LHFPL3: variants seen among roughly 807,000 people sequenced by gnomAD.
The protein encoded by LHFPL3 is LHFPL tetraspan subfamily member 3 protein.
Under a neutral mutation model 19.3 loss-of-function variants are expected in LHFPL3, and 5 were observed. The observed-to-expected ratio is 0.26, with a 90% CI of 0.14 to 0.54. The LOEUF (loss-of-function observed/expected upper bound fraction) is 0.54. Ranked by LOEUF, LHFPL3 falls within the 20% of genes least tolerant of loss-of-function variation. The pLI is 0.94. For missense variants in LHFPL3, 249 were observed against 307.4 expected, an observed-to-expected ratio of 0.81 and a Z score of 1.42; for synonymous variants, 133 against 126.2, an observed-to-expected ratio of 1.05 and a Z score of -0.36.
At chr7:104,511,755 A>C (rs977859874) in intron 1 of LHFPL3, among the ~76,000 whole-genome samples, 1 of 152,100 alleles carries the variant, frequency 6.6e-6, no homozygotes, top group African/African-American at 2.4e-5. Context: ...CTCAGAAATC[A>C]CCACTAAAGA....
intron 1 of LHFPL3, among the ~76,000 whole-genome samples, chr7:104,422,322 C>G (rs1023316716): frequency 6.6e-6 from 1 of 152,162 alleles, no homozygotes; most frequent in Non-Finnish European, 1.5e-5. Flanking sequence ...GATTGTGCCA[C>G]TGCACTCCAG....
At chr7:104,639,369 T>A (rs2115885391) in intron 1 of LHFPL3, among the ~76,000 whole-genome samples, 1 of 152,306 alleles carries the variant, frequency 6.6e-6, no homozygotes, top group South Asian at 2.1e-4. Context: ...TGCCTAGAAG[T>A]GTTCACAGCA....
intron 2 of LHFPL3, among the ~76,000 whole-genome samples, chr7:104,855,859 C>G (rs1206609011): frequency 6.6e-6 from 1 of 152,158 alleles, no homozygotes; most frequent in Admixed American, 6.6e-5. Context: ...ATCTGCCTGC[C>G]TTGGCCTGCC....
At chr7:104,817,024 CCT>C (rs1790569095) in intron 2 of LHFPL3, among the ~76,000 whole-genome samples, 3 of 152,308 alleles carry the variant, frequency 2.0e-5, no homozygotes, top group African/African-American at 7.2e-5. Context: ...TGCTTCTCCC[CCT>C]CTTTCCACCC....
chr7:104,619,871 G>T (rs1282869243), intron 1 of LHFPL3, among the ~76,000 whole-genome samples: 1 of 152,056 alleles, frequency 6.6e-6, no homozygotes, highest in Non-Finnish European at 1.5e-5. Flanking sequence ...GGGGCAGCAG[G>T]GGGCGGGAAT....
chr7:104,473,823 A>T (rs1792954871), intron 1 of LHFPL3, among the ~76,000 whole-genome samples: 3 of 152,266 alleles, frequency 2.0e-5, no homozygotes, highest in African/African-American at 7.2e-5. Context: ...ATCTGAAGTC[A>T]CTGCTCTGAA....
intron 1 of LHFPL3, chr7:104,469,911 T>A: frequency 7.2e-6 from 3 of 415,868 alleles, no homozygotes; most frequent in Non-Finnish European, 1.5e-5. Flanking sequence ...ATATCTAACC[T>A]AACATTCCCT....
At chr7:104,498,245 A>G (rs1793526215) in intron 1 of LHFPL3, among the ~76,000 whole-genome samples, 1 of 117,334 alleles carries the variant, frequency 8.5e-6, no homozygotes, top group Non-Finnish European at 1.6e-5. Flanking sequence ...TGGATATGTG[A>G]CAACAAAGTC....
chr7:104,553,040 GC>G (rs1206684205), intron 1 of LHFPL3, among the ~76,000 whole-genome samples: 16 of 152,254 alleles, frequency 1.1e-4, no homozygotes, highest in Non-Finnish European at 2.2e-4. Context: ...TTAGAGTGCT[GC>G]CTCATTGATA....
At chr7:104,348,776 A>G (rs889108947) in intron 1 of LHFPL3, among the ~76,000 whole-genome samples, 1 of 152,210 alleles carries the variant, frequency 6.6e-6, no homozygotes, top group African/African-American at 2.4e-5. Context: ...AAAAAGACTG[A>G]AAGACACTGC....
intron 2 of LHFPL3, among the ~76,000 whole-genome samples, chr7:104,896,577 C>G (rs1792364530): frequency 6.6e-6 from 1 of 152,144 alleles, no homozygotes; most frequent in African/African-American, 2.4e-5. Context: ...CAGGTGTTCA[C>G]CAGTTAGAAA....
At chr7:104,603,118 CT>C in intron 1 of LHFPL3, among the ~76,000 whole-genome samples, 1 of 126,880 alleles carries the variant, frequency 7.9e-6, no homozygotes, top group South Asian at 2.7e-4. Flanking sequence ...TTCTTTCTTT[CT>C]TTCTTTCTTT....
intron 2 of LHFPL3, among the ~76,000 whole-genome samples, chr7:104,860,863 G>C (rs1420912987): frequency 1.3e-5 from 2 of 152,130 alleles, no homozygotes; most frequent in Non-Finnish European, 2.9e-5. Context: ...GACACATAGA[G>C]TGTGCTAAGA....
intron 1 of LHFPL3, among the ~76,000 whole-genome samples, chr7:104,461,477 T>C (rs1397261737): frequency 6.6e-6 from 1 of 152,250 alleles, no homozygotes; most frequent in African/African-American, 2.4e-5. Flanking sequence ...TCACCATTGC[T>C]TGTTTTCGTC....
chr7:104,851,432 T>A (rs889973325), intron 2 of LHFPL3, among the ~76,000 whole-genome samples: 4 of 152,098 alleles, frequency 2.6e-5, no homozygotes, highest in Non-Finnish European at 5.9e-5. Context: ...GAGTTGGAGA[T>A]TTAGTGATGC....
chr7:104,753,362 T>C (rs1794214443), intron 2 of LHFPL3, among the ~76,000 whole-genome samples: 1 of 152,190 alleles, frequency 6.6e-6, no homozygotes, highest in African/African-American at 2.4e-5. Context: ...TAAAGCTTAT[T>C]TCACTCATAA....
chr7:104,747,048 G>C (rs929493718), intron 2 of LHFPL3, among the ~76,000 whole-genome samples: 4 of 152,154 alleles, frequency 2.6e-5, no homozygotes, highest in African/African-American at 7.2e-5. Context: ...ATCATAGTTG[G>C]TCAGTTGGTT....
At chr7:104,518,362 C>A (rs904314087) in intron 1 of LHFPL3, among the ~76,000 whole-genome samples, 11 of 151,780 alleles carry the variant, frequency 7.2e-5, no homozygotes, top group Non-Finnish European at 8.8e-5. Flanking sequence ...TAAAAGTTTT[C>A]CAGGGTAAAA....
chr7:104,741,268 T>C (rs1273043501), intron 2 of LHFPL3, among the ~76,000 whole-genome samples: 2 of 152,118 alleles, frequency 1.3e-5, no homozygotes, highest in Admixed American at 6.6e-5. Flanking sequence ...CTAAGATTTA[T>C]CATAAATTGT....
Sources: gnomAD v4.1 joint callset for allele counts (sites outside exome capture counted in the v4.1 genomes callset) on GRCh38, gnomAD v4.1.1 for gene constraint, MANE v1.5 for transcripts, NCBI Gene and HGNC (gene_info 2026-07-23, HGNC 2026-07-21) for gene names.